Variants in FAM178B observed in about 807,000 individuals in gnomAD.
FAM178B encodes the protein family with sequence similarity 178 member B, also known as protein FAM178B.
Under a neutral mutation model 91.7 loss-of-function variants are expected in FAM178B, and 82 were observed. That is an observed-to-expected ratio of 0.89 (90% CI 0.75 to 1.07). The LOEUF (loss-of-function observed/expected upper bound fraction) is 1.07, where lower values mean the gene tolerates loss of function less well. Among genes scored for constraint, FAM178B ranks in the 50% least tolerant of loss-of-function variants. The probability of loss-of-function intolerance (pLI) is 0.00; values close to 1 mark genes in which losing one functional copy is unlikely to be tolerated. For missense variants in FAM178B, 769 were observed against 846.7 expected (o/e 0.91, Z 1.14); for synonymous variants, 368 against 359.4 (o/e 1.02, Z -0.27).
At chr2:96,885,913 G>C (rs758494752) in intron 14 of FAM178B, among the ~76,000 whole-genome samples, 2 of 152,218 alleles carry the variant, frequency 1.3e-5, no homozygotes, top group Admixed American at 6.5e-5. Context: ...GTGTGCGTGT[G>C]AGCGTGTAGA....
chr2:96,972,689 G>T, intron 1 of FAM178B, 83 bp from the exon 2 acceptor site: 1 of 1,348,508 alleles, frequency 7.4e-7, no homozygotes, highest in Non-Finnish European at 1.0e-6. Flanking sequence ...ACAGAGGAGG[G>T]CCTGGGCCCA....
At chr2:96,959,398 T>C (rs545401595) in intron 6 of FAM178B, among the ~76,000 whole-genome samples, 14 of 152,256 alleles carry the variant, frequency 9.2e-5, no homozygotes, top group African/African-American at 3.4e-4. Context: ...AAAGGAAGCA[T>C]ATCAGAATGT....
At chr2:96,929,822 T>A (rs2081509979) in intron 8 of FAM178B, among the ~76,000 whole-genome samples, 2 of 152,238 alleles carry the variant, frequency 1.3e-5, no homozygotes, top group Admixed American at 1.3e-4. Flanking sequence ...GGAGCACACC[T>A]CGCCTGCCTC....
chr2:96,986,182 G>A, intron 1 of FAM178B, 59 bp downstream of exon 1: 4 of 1,531,940 alleles, frequency 2.6e-6, no homozygotes, highest in Non-Finnish European at 3.5e-6. Context: ...CAGGGAAGTC[G>A]AGTGCTCTCT....
chr2:96,902,673 C>T lies in FAM178B; in HGVS notation c.1597G>A (p.Ala533Thr). 1 of 1,550,784 alleles carries T rather than the reference C, an allele frequency of 6.4e-7. No individual in the cohort carries two copies. Among genetic ancestry groups the T allele is most frequent in the African/African-American group, 1.4e-5 (1 of 73,134 alleles). ...ATCTCCTGCTGGCCCAGCATTCGAGCAATGACCACAAGGCTGAGCTGGCTT... is the reference window on the plus strand; with the variant it reads ...ATCTCCTGCTGGCCCAGCATTCGAGTAATGACCACAAGGCTGAGCTGGCTT... ...LRSQLSLVVIARMLGQQEMLP... is the reference protein window; with the variant it reads ...LRSQLSLVVITRMLGQQEMLP... Residue 533 changes from alanine to threonine, a missense_variant, in exon 13 of 17, where the codon GCT becomes ACT. Transcript: ENST00000490605.
At chr2:96,947,117 A>G (rs1320244759) in intron 8 of FAM178B, among the ~76,000 whole-genome samples, 1 of 152,166 alleles carries the variant, frequency 6.6e-6, no homozygotes, top group Non-Finnish European at 1.5e-5. Flanking sequence ...AGCAACTTTC[A>G]ACTGGTTACA....
Position 96,904,541 on chromosome 2 carries a change from ATTTTTTTTTT to A in FAM178B, c.1563-1844_1563-1835del, listed in dbSNP as rs11284849. Among the ~76,000 whole-genome samples the A allele has an allele frequency of 7.2e-5, 7 of 96,648 alleles. No homozygotes were observed. In the South Asian group the frequency reaches 9.9e-4, roughly 14 times the overall value. The allele number at this position is 96,648 out of a possible 152,430, so 63.4% of individuals were successfully genotyped here. On this transcript the variant is annotated intron_variant, in intron 12 of 16. Coordinates refer to ENST00000490605, the MANE Select transcript of FAM178B (RefSeq NM_001122646.3). ...CACGCACGCGCCACCATGCCTGGCT[ATTTTTTTTTT>A]TTTTTTTTTTTTTTGTATTTTTAGC...
intron 5 of FAM178B, among the ~76,000 whole-genome samples, chr2:96,964,633 A>ACTCT (rs59226498): frequency 0.85 from 128,790 of 151,796 alleles, 56,164 homozygotes; most frequent in African/African-American, 0.95. Flanking sequence ...ACGTGCTGTT[A>ACTCT]CTCTATCAAA....
chr2:96,964,398 G>A (rs989951859), intron 5 of FAM178B, among the ~76,000 whole-genome samples: 15 of 152,114 alleles, frequency 9.9e-5, no homozygotes, highest in Non-Finnish European at 2.1e-4. Flanking sequence ...ACTGAACTTC[G>A]CCCATGTGGT....
intron 14 of FAM178B, among the ~76,000 whole-genome samples, chr2:96,879,714 C>T (rs527790780): frequency 1.3e-5 from 2 of 152,344 alleles, no homozygotes; most frequent in Non-Finnish European, 2.9e-5. Context: ...GCCTTGCACA[C>T]GGCAGGCAGA....
At chr2:96,914,796 A>G (rs2081214591) in intron 12 of FAM178B, among the ~76,000 whole-genome samples, 1 of 152,150 alleles carries the variant, frequency 6.6e-6, no homozygotes, top group Non-Finnish European at 1.5e-5. Flanking sequence ...AGGCTGAGGC[A>G]GGAGGATCAC....
chr2:96,877,220 G>A (rs1033761345), intron 16 of FAM178B, among the ~76,000 whole-genome samples: 2 of 152,140 alleles, frequency 1.3e-5, no homozygotes, highest in African/African-American at 4.8e-5. Context: ...TCCTAACACA[G>A]CAGGAGACCA....
rs184862924 is a variant in FAM178B, at chr2:96,968,149, G to A, written c.627-522C>T. ...TTCTGCTCCTCAGCCACGTGACCAG[G>A]AAAGATCTCGTGCCCTGGCTCCTCG... On this transcript the variant is annotated intron_variant, in intron 4 of 16. Coordinates refer to ENST00000490605, the MANE Select transcript of FAM178B (RefSeq NM_001122646.3). Among the ~76,000 whole-genome samples the A allele has an allele frequency of 3.3e-5, 5 of 151,846 alleles. 1 individual carries two copies. Among genetic ancestry groups the A allele is most frequent in the Admixed American group, 3.3e-4 (5 of 15,238 alleles).
intron 8 of FAM178B, among the ~76,000 whole-genome samples, chr2:96,933,164 A>C (rs1219730994): frequency 6.6e-6 from 1 of 152,016 alleles, no homozygotes; most frequent in Non-Finnish European, 1.5e-5. Context: ...AACTGCTTAA[A>C]CCCAGGAGGT....
At chr2:96,896,711 A>C (rs1254751137) in intron 13 of FAM178B, among the ~76,000 whole-genome samples, 5 of 152,170 alleles carry the variant, frequency 3.3e-5, no homozygotes, top group Non-Finnish European at 5.9e-5. Flanking sequence ...CCAAGATCTT[A>C]AGTGTCTGCA....
At position 96,972,670 on chromosome 2, in the gene FAM178B, G is replaced by A. The variant is rs574209560; in HGVS notation, c.74-64C>T. The A allele has an allele frequency of 3.1e-5, 45 of 1,464,680 alleles. No individual in the cohort carries two copies. In the Admixed American group the frequency reaches 3.9e-4, roughly 13 times the overall value. The allele number at this position is 1,464,680 out of a possible 1,614,324, so 90.7% of individuals were successfully genotyped here. On this transcript the variant is annotated intron_variant, in intron 1 of 16. Coordinates refer to ENST00000490605, the MANE Select transcript of FAM178B (RefSeq NM_001122646.3). The stretch of plus-strand genomic sequence containing the variant: ...AAGAAAGCTAAAGGTTCTAAACCCC[G>A]TGATTCCCACAGAGGAGGGCCTGGG...
At chr2:96,909,142 C>CAAAAAAA (rs368745154) in intron 12 of FAM178B, among the ~76,000 whole-genome samples, 35 of 77,058 alleles carry the variant, frequency 4.5e-4, no homozygotes, top group South Asian at 1.5e-3. Context: ...GACTCTGTCT[C>CAAAAAAA]AAAAAAAAAA....
Position 96,892,193 on chromosome 2 carries a change from C to G in FAM178B, c.1776+1733G>C, listed in dbSNP as rs527665339. ...CCCACCTGGCCCCTCCCAGTCAGAA[C>G]AGTGCCCAGCCCAGGGGACAGAACC... On this transcript the variant is annotated intron_variant, in intron 14 of 16. Coordinates refer to ENST00000490605, the MANE Select transcript of FAM178B (RefSeq NM_001122646.3). Among the ~76,000 whole-genome samples the G allele has an allele frequency of 3.3e-5, 5 of 152,338 alleles. No individual in the cohort carries two copies. In the South Asian group the frequency reaches 1.0e-3, roughly 32 times the overall value.
rs142978028 is a variant in FAM178B, at chr2:96,905,812, A to ATG, written c.1563-3107_1563-3106dup. Among the ~76,000 whole-genome samples, 365 of 68,438 alleles carry ATG rather than the reference A, an allele frequency of 5.3e-3. 13 individuals carry two copies. The highest frequency in any genetic ancestry group is 0.024 in the African/African-American group (251 of 10,310). The allele number at this position is 68,438 out of a possible 152,430, so 44.9% of individuals were successfully genotyped here. On this transcript the variant is annotated intron_variant, in intron 12 of 16. Coordinates refer to ENST00000490605, the MANE Select transcript of FAM178B (RefSeq NM_001122646.3). ...TATATATACACAAAAATATACATAT[A>ATG]TGTGTGTATATATATATATATATAT...
Sources: allele counts gnomAD v4.1 joint callset (sites outside exome capture counted in the v4.1 genomes callset), GRCh38; gene constraint gnomAD v4.1.1; transcripts MANE v1.5; gene names NCBI Gene and HGNC (gene_info 2026-07-23, HGNC 2026-07-21).